ROCK1: variants seen among roughly 807,000 people sequenced by gnomAD.
ROCK1 encodes rho-associated protein kinase 1.
ROCK1 carries 36 observed loss-of-function variants against 196.8 expected under a neutral mutation model. The observed-to-expected ratio is 0.18, with a 90% confidence interval of 0.14 to 0.24. The LOEUF is 0.24. Among genes scored for constraint, ROCK1 ranks in the 10% least tolerant of loss-of-function variants. The pLI, the probability that ROCK1 is intolerant of heterozygous loss-of-function variation, is 1.00. For missense variants in ROCK1, 920 were observed against 1,562.0 expected (o/e 0.59, Z 6.93); for synonymous variants, 443 against 515.9 (o/e 0.86, Z 1.91).
chr18:20,967,143 T>C, intron 26 of ROCK1, 67 bp from the exon 27 acceptor site: 1 of 1,104,914 alleles, frequency 9.1e-7, no homozygotes, highest in South Asian at 1.5e-5. Context: ...CTAATTGAAA[T>C]ATGATAATTT....
At chr18:21,001,290 G>A (rs753304355) in intron 16 of ROCK1, among the ~76,000 whole-genome samples, 17 of 152,088 alleles carry the variant, frequency 1.1e-4, no homozygotes, top group Non-Finnish European at 2.1e-4. Context: ...AATAGGGAGG[G>A]GCAGCTTAAT....
chr18:21,090,967 A>C (rs1368419731), intron 1 of ROCK1, among the ~76,000 whole-genome samples: 1 of 152,230 alleles, frequency 6.6e-6, no homozygotes, highest in Admixed American at 6.5e-5. Context: ...AAACCTTTTT[A>C]ATCTGTGAAA....
At chr18:21,041,012 T>C (rs2036100745) in intron 8 of ROCK1, among the ~76,000 whole-genome samples, 2 of 151,890 alleles carry the variant, frequency 1.3e-5, no homozygotes, top group Middle Eastern at 3.4e-3. Context: ...TCACAGCTAC[T>C]TGGGAGGCTG....
chr18:20,986,415 G>A (rs1297182034), intron 19 of ROCK1, among the ~76,000 whole-genome samples: 3 of 151,918 alleles, frequency 2.0e-5, no homozygotes, highest in Non-Finnish European at 4.4e-5. Flanking sequence ...TTAAAATCTA[G>A]GTAACATGTT....
intron 8 of ROCK1, among the ~76,000 whole-genome samples, chr18:21,041,789 ATTT>A (rs1303178546): frequency 6.6e-6 from 1 of 152,066 alleles, no homozygotes; most frequent in African/African-American, 2.4e-5. Flanking sequence ...ATGTTAAAAA[ATTT>A]TTTTAGATTC....
At chr18:21,021,028 A>G (rs1156739657) in intron 11 of ROCK1, among the ~76,000 whole-genome samples, 2 of 152,228 alleles carry the variant, frequency 1.3e-5, no homozygotes. Flanking sequence ...TTAAAAAGCT[A>G]TCAAAGCAGT....
At chr18:20,969,453 T>C (rs1162098333) in intron 23 of ROCK1, 2 of 297,676 alleles carry the variant, frequency 6.7e-6, no homozygotes, top group African/African-American at 2.2e-5. Context: ...GCATATGTAA[T>C]GGCAAGATAA....
intron 2 of ROCK1, among the ~76,000 whole-genome samples, chr18:21,068,851 C>G (rs2036359471): frequency 6.6e-6 from 1 of 152,078 alleles, no homozygotes; most frequent in South Asian, 2.1e-4. Flanking sequence ...CTTATTAGTT[C>G]ATGTAGCTTT....
rs546908364 is a variant in ROCK1 at position 21,076,974 on chromosome 18, T to C, written c.94-6361A>G. 2.0e-3 allele frequency among the ~76,000 whole-genome samples: 290 copies of C among 142,752 alleles called. 1 individual carries two copies. Among genetic ancestry groups the C allele is most frequent in the Middle Eastern group, 3.5e-3 (1 of 288 alleles). 93.7% of individuals were successfully genotyped at this position (142,752 alleles called of 152,430 possible). A position where few individuals can be genotyped will look rare whatever the true frequency, so the allele number is the denominator to read the frequency against. ...GAAAAGGACAGTCTTTTTTTTTTTT[T>C]TTTTTTTTTTGAGACGGAGTCTCGC... is the stretch of plus-strand genomic sequence containing the variant. On this transcript the variant is annotated intron_variant, in intron 1 of 32. Coordinates refer to ENST00000399799, the MANE Select transcript of ROCK1 (RefSeq NM_005406.3).
chr18:20,951,452 A>T, intron 32 of ROCK1, 65 bp from the exon 33 acceptor site: 2 of 1,332,018 alleles, frequency 1.5e-6, no homozygotes, highest in Non-Finnish European at 2.1e-6. Context: ...CAAGAAACAA[A>T]CATTAGGAGG....
At chr18:21,004,956 C>A (rs1473213669) in intron 16 of ROCK1, among the ~76,000 whole-genome samples, 1 of 152,032 alleles carries the variant, frequency 6.6e-6, no homozygotes, top group Non-Finnish European at 1.5e-5. Flanking sequence ...AAAAACTGAC[C>A]CTGACCTCTC....
chr18:20,984,822 C>T (rs2035563774), intron 19 of ROCK1, among the ~76,000 whole-genome samples: 1 of 152,102 alleles, frequency 6.6e-6, no homozygotes, highest in Non-Finnish European at 1.5e-5. Context: ...GATTATAAAA[C>T]TCACTTCTGG....
intron 2 of ROCK1, among the ~76,000 whole-genome samples, chr18:21,058,046 C>A (rs903562136): frequency 1.3e-5 from 2 of 151,976 alleles, no homozygotes; most frequent in Non-Finnish European, 2.9e-5. Flanking sequence ...TTATGTTCAG[C>A]ATATAATGTT....
chr18:21,106,879 C>T (rs2143609900), intron 1 of ROCK1, among the ~76,000 whole-genome samples: 1 of 152,226 alleles, frequency 6.6e-6, no homozygotes, highest in South Asian at 2.1e-4. Flanking sequence ...AGCCACTTAT[C>T]AGAGTTCTTC....
intron 8 of ROCK1, among the ~76,000 whole-genome samples, chr18:21,040,703 A>G (rs1409815336): frequency 6.6e-6 from 1 of 152,172 alleles, no homozygotes; most frequent in Admixed American, 6.5e-5. Flanking sequence ...TGTGTACTAT[A>G]AATGTCTGAT....
At chr18:21,050,083 C>T (rs1342730038) in intron 2 of ROCK1, among the ~76,000 whole-genome samples, 2 of 152,100 alleles carry the variant, frequency 1.3e-5, no homozygotes, top group Non-Finnish European at 2.9e-5. Context: ...TCCAGAATAA[C>T]TTCATTACAA....
intron 2 of ROCK1, 90 bp downstream of exon 2, chr18:21,070,442 T>C: frequency 1.5e-6 from 1 of 662,390 alleles, no homozygotes; most frequent in Non-Finnish European, 2.5e-6. Flanking sequence ...CACCAAAAAG[T>C]AAATAGAAGA....
chr18:21,053,662 T>C (rs1401302561), intron 2 of ROCK1, among the ~76,000 whole-genome samples: 2 of 152,040 alleles, frequency 1.3e-5, no homozygotes, highest in Admixed American at 6.6e-5. Flanking sequence ...ATACCAAGAC[T>C]TGTCTTTACA....
In ROCK1 at chr18:21,045,480, A is replaced by G. The variant is rs1179332176; in HGVS notation, c.415-13T>C. ...ATGCATAAAAAAGCTATACAAATAGAAAAAACAAACAAAACACATTCATTA... is the reference window on the plus strand; with the variant it reads ...ATGCATAAAAAAGCTATACAAATAGGAAAAACAAACAAAACACATTCATTA... On this transcript the variant is annotated splice_polypyrimidine_tract_variant and intron_variant, in intron 4 of 32. Coordinates refer to ENST00000399799, the MANE Select transcript of ROCK1 (RefSeq NM_005406.3). 4 of 1,561,286 alleles carry G rather than the reference A, an allele frequency of 2.6e-6. No homozygotes were observed. Among genetic ancestry groups the G allele is most frequent in the Admixed American group, 2.0e-5 (1 of 50,748 alleles).
Sources: allele counts gnomAD v4.1 joint callset (sites outside exome capture counted in the v4.1 genomes callset), GRCh38; gene constraint gnomAD v4.1.1; transcripts MANE v1.5; gene names NCBI Gene and HGNC (gene_info 2026-07-23, HGNC 2026-07-21).